The following NR2F1-AS1 variants were observed in gnomAD, a reference collection of about 807,000 sequenced individuals.
The protein encoded by NR2F1-AS1 is NR2F1 antisense RNA 1.
Position 93,551,770 on chromosome 5 carries a change from T to C in NR2F1-AS1, n.638+1991A>G, listed in dbSNP as rs962743356. On this transcript the variant is annotated intron_variant and non_coding_transcript_variant, in intron 4 of 5. Transcript: ENST00000660523. ...CATTATACTCATTATTGAAATCTAATATTTATTTTTTAAATTCAGCTGTAT... is the reference window on the plus strand; with the variant it reads ...CATTATACTCATTATTGAAATCTAACATTTATTTTTTAAATTCAGCTGTAT... 2.0e-5 allele frequency among the ~76,000 whole-genome samples: 3 copies of C among 152,190 alleles called. No individual in the cohort carries two copies. In the South Asian group the frequency reaches 6.2e-4, roughly 31 times the overall value.
At chr5:93,564,763 T>A (rs1441780756) in intron 1 of NR2F1-AS1, among the ~76,000 whole-genome samples, 1 of 152,214 alleles carries the variant, frequency 6.6e-6, no homozygotes, top group Non-Finnish European at 1.5e-5. Flanking sequence ...TTTATGCCCA[T>A]CCTATTTTCC....
At chr5:93,516,950 T>C (rs1008692954) in intron 4 of NR2F1-AS1, among the ~76,000 whole-genome samples, 4 of 151,850 alleles carry the variant, frequency 2.6e-5, no homozygotes, top group Non-Finnish European at 5.9e-5. Flanking sequence ...TTAACCAGAC[T>C]CAAAAATAAA....
chr5:93,559,029 T>C (rs1291932806), intron 2 of NR2F1-AS1, among the ~76,000 whole-genome samples: 2 of 152,230 alleles, frequency 1.3e-5, no homozygotes, highest in African/African-American at 4.8e-5. Context: ...CAGTCTGTCC[T>C]TTGAGGCTTT....
intron 4 of NR2F1-AS1, among the ~76,000 whole-genome samples, chr5:93,480,594 TA>T (rs1750580559): frequency 6.6e-6 from 1 of 152,176 alleles, no homozygotes; most frequent in Non-Finnish European, 1.5e-5. Flanking sequence ...TAGGTAAATG[TA>T]AAACCTAGTA....
chr5:93,484,435 A>C (rs1251148851), intron 4 of NR2F1-AS1, among the ~76,000 whole-genome samples: 3 of 152,246 alleles, frequency 2.0e-5, no homozygotes, highest in Non-Finnish European at 4.4e-5. Context: ...CTGCCTTACA[A>C]GAGCTCCTGA....
chr5:93,469,928 T>A (rs757423872), intron 4 of NR2F1-AS1, among the ~76,000 whole-genome samples: 6 of 152,024 alleles, frequency 3.9e-5, no homozygotes, highest in Non-Finnish European at 5.9e-5. Flanking sequence ...GTGCAAAATA[T>A]AACAACTGTT....
intron 4 of NR2F1-AS1, among the ~76,000 whole-genome samples, chr5:93,514,002 T>C (rs988989947): frequency 6.6e-6 from 1 of 152,040 alleles, no homozygotes; most frequent in Non-Finnish European, 1.5e-5. Flanking sequence ...CTAATTACAA[T>C]AGTTGACCCT....
intron 1 of NR2F1-AS1, among the ~76,000 whole-genome samples, chr5:93,565,035 T>TAG: frequency 6.6e-6 from 1 of 151,956 alleles, no homozygotes; most frequent in African/African-American, 2.4e-5. Context: ...CTCTATTCTC[T>TAG]CTCCTCACTC....
chr5:93,494,235 T>A (rs1000973783), intron 4 of NR2F1-AS1, among the ~76,000 whole-genome samples: 6 of 152,174 alleles, frequency 3.9e-5, no homozygotes, highest in Non-Finnish European at 8.8e-5. Context: ...AGATCTCTAG[T>A]AAGCACATGA....
intron 1 of NR2F1-AS1, among the ~76,000 whole-genome samples, chr5:93,569,019 A>G (rs1752679918): frequency 6.6e-6 from 1 of 152,176 alleles, no homozygotes; most frequent in African/African-American, 2.4e-5. Context: ...GTTGCAGGAT[A>G]GCCTTGTAGG....
intron 4 of NR2F1-AS1, among the ~76,000 whole-genome samples, chr5:93,461,630 C>T (rs1029047449): frequency 6.6e-6 from 1 of 152,128 alleles, no homozygotes; most frequent in African/African-American, 2.4e-5. Context: ...GTTCTACAGA[C>T]TGCTGTATTA....
At chr5:93,484,619 AGC>A (rs1259692119) in intron 4 of NR2F1-AS1, among the ~76,000 whole-genome samples, 1 of 152,188 alleles carries the variant, frequency 6.6e-6, no homozygotes, top group African/African-American at 2.4e-5. Context: ...CTTATATGTA[AGC>A]AGACTAAATT....
chr5:93,421,956 T>C (rs1214539195), intron 4 of NR2F1-AS1, among the ~76,000 whole-genome samples: 3 of 152,220 alleles, frequency 2.0e-5, no homozygotes, highest in African/African-American at 7.2e-5. Context: ...TCACACTGAA[T>C]CTTTCAATTA....
At chr5:93,523,635 G>C (rs1751551365) in intron 4 of NR2F1-AS1, among the ~76,000 whole-genome samples, 1 of 152,182 alleles carries the variant, frequency 6.6e-6, no homozygotes, top group Non-Finnish European at 1.5e-5. Flanking sequence ...GCCCCTCTGG[G>C]ACGAAGCTTC....
At chr5:93,474,825 T>C (rs113298683) in intron 4 of NR2F1-AS1, among the ~76,000 whole-genome samples, 1,671 of 152,262 alleles carry the variant, frequency 0.011, 16 homozygotes, top group African/African-American at 0.026. Flanking sequence ...ATTCAGTCTA[T>C]AGCAAAGATG....
intron 4 of NR2F1-AS1, among the ~76,000 whole-genome samples, chr5:93,452,652 T>C (rs1370148427): frequency 6.6e-6 from 1 of 152,234 alleles, no homozygotes; most frequent in Non-Finnish European, 1.5e-5. Context: ...GGAAGCAGTA[T>C]ACCAAATAAT....
chr5:93,487,972 A>G (rs1750761996), intron 4 of NR2F1-AS1, among the ~76,000 whole-genome samples: 2 of 152,234 alleles, frequency 1.3e-5, no homozygotes, highest in Non-Finnish European at 2.9e-5. Context: ...GACAAGGTTG[A>G]CAAAAACAAG....
At chr5:93,574,970 C>T (rs902961656) in intron 1 of NR2F1-AS1, among the ~76,000 whole-genome samples, 4 of 152,204 alleles carry the variant, frequency 2.6e-5, no homozygotes, top group African/African-American at 9.7e-5. Context: ...GGGATTAATC[C>T]TCCCCCACCC....
chr5:93,542,823 GTGGC>G (rs1751983968), intron 4 of NR2F1-AS1: 1 of 152,182 alleles, frequency 6.6e-6, no homozygotes, highest in African/African-American at 2.4e-5. Flanking sequence ...CCCATGTAAG[GTGGC>G]ACATAGACCA....
Sources: gnomAD v4.1 joint callset for allele counts (sites outside exome capture counted in the v4.1 genomes callset) on GRCh38, gnomAD v4.1.1 for gene constraint, MANE v1.5 for transcripts, NCBI Gene and HGNC (gene_info 2026-07-23, HGNC 2026-07-21) for gene names.